The following HDDC2 variants were observed in gnomAD, a reference collection of about 807,000 sequenced individuals.
HDDC2 encodes 5'-deoxynucleotidase HDDC2.
A neutral mutation model predicts 25.5 loss-of-function variants in HDDC2; 25 were observed. The observed-to-expected ratio is 0.98, with a 90% confidence interval of 0.72 to 1.37. HDDC2 has a LOEUF of 1.37. HDDC2 is among the 40% of genes most tolerant of loss of function. The probability of loss-of-function intolerance (pLI) is 0.00; values close to 1 mark genes in which losing one functional copy is unlikely to be tolerated. For synonymous variants in HDDC2, 106 were observed against 89.7 expected (o/e 1.18, Z -1.03); for missense variants, 264 against 253.1 (o/e 1.04, Z -0.29).
At chr6:125,285,649 T>TA (rs567233669) in intron 4 of HDDC2, among the ~76,000 whole-genome samples, 13 of 148,754 alleles carry the variant, frequency 8.7e-5, no homozygotes, top group African/African-American at 2.2e-4. Flanking sequence ...AAAATTAAAT[T>TA]AAAAAAAAAA....
At chr6:125,292,134 G>A (rs996713647) in intron 4 of HDDC2, among the ~76,000 whole-genome samples, 2 of 152,146 alleles carry the variant, frequency 1.3e-5, no homozygotes, top group Non-Finnish European at 2.9e-5. Flanking sequence ...GGCTATCTAT[G>A]AATAAGGGGA....
intron 4 of HDDC2, among the ~76,000 whole-genome samples, chr6:125,286,413 T>A (rs9482637): frequency 0.2 from 29,966 of 152,156 alleles, 3,338 homozygotes; most frequent in African/African-American, 0.31. Flanking sequence ...GATGGTGGTA[T>A]ATACAACTGT....
intron 3 of HDDC2, among the ~76,000 whole-genome samples, chr6:125,295,613 C>T (rs370317203): frequency 6.6e-6 from 1 of 152,078 alleles, no homozygotes; most frequent in East Asian, 1.9e-4. Flanking sequence ...TATAAATCTG[C>T]CACATAATAA....
At chr6:125,281,732 C>A (rs1203684422) in intron 4 of HDDC2, among the ~76,000 whole-genome samples, 11 of 152,034 alleles carry the variant, frequency 7.2e-5, no homozygotes, top group Non-Finnish European at 1.3e-4. Flanking sequence ...GACTGGCGTA[C>A]CAAAAAGTGA....
chr6:125,280,643 G>A (rs9482632), intron 4 of HDDC2, among the ~76,000 whole-genome samples: 29,943 of 152,268 alleles, frequency 0.2, 3,354 homozygotes, highest in African/African-American at 0.31. Context: ...CTGCAAAGCC[G>A]CCGTAGCAAG....
chr6:125,281,571 T>C (rs1798457647), intron 4 of HDDC2, among the ~76,000 whole-genome samples: 1 of 151,938 alleles, frequency 6.6e-6, no homozygotes. Flanking sequence ...CACACAACTA[T>C]CAGTAGCCAA....
In HDDC2 at chr6:125,277,232, C is replaced by A; in HGVS notation, c.387G>T (p.Glu129Asp). 6.2e-7 allele frequency: 1 copy of A among 1,614,014 alleles called. No individual in the cohort carries two copies. Among genetic ancestry groups the A allele is most frequent in the Non-Finnish European group, 8.5e-7 (1 of 1,179,950 alleles). Reference sequence around the variant, plus strand: ...ATTTGGCTTCTGCACTAGATTGGGTCTCGTACTCCTAAGTAAAGGGACAAT... The same window carrying A: ...ATTTGGCTTCTGCACTAGATTGGGTATCGTACTCCTAAGTAAAGGGACAAT... ...KELYELWEEYETQSSAEAKFV... is the reference protein window; with the variant it reads ...KELYELWEEYDTQSSAEAKFV... The change falls in exon 5 of 6, where the codon GAG (glutamate) becomes GAT (aspartate). Residue 129 changes from glutamate (E) to aspartate (D), a missense_variant. By Grantham distance (45) the Glu-to-Asp change is conservative (BLOSUM62 2). Coordinates refer to ENST00000398153, the MANE Select transcript of HDDC2 (RefSeq NM_016063.3).
chr6:125,292,610 A>G (rs1388152714), intron 4 of HDDC2, among the ~76,000 whole-genome samples: 3 of 152,188 alleles, frequency 2.0e-5, no homozygotes, highest in Non-Finnish European at 4.4e-5. Context: ...TCAAGGGCTG[A>G]GTCAAGTGCC....
rs372537159 is a variant in HDDC2 at position 125,298,836 on chromosome 6, C to T, written c.207-20G>A. 5.4e-4 allele frequency: 812 copies of T among 1,512,608 alleles called. 7 individuals are homozygous for T. The South Asian group carries it at 7.5e-3, about 14-fold the overall frequency. The allele number at this position is 1,512,608 out of a possible 1,614,324, so 93.7% of individuals were successfully genotyped here. ...ACACATCTGATCAGGCAAGAAATGT[C>T]GAATAATTACACAGAATTATATTTA... On this transcript the variant is annotated intron_variant, in intron 2 of 5. Coordinates refer to ENST00000398153, the MANE Select transcript of HDDC2 (RefSeq NM_016063.3).
At chr6:125,289,481 TA>T (rs779984106) in intron 4 of HDDC2, among the ~76,000 whole-genome samples, 4,762 of 98,054 alleles carry the variant, frequency 0.049, 171 homozygotes, top group African/African-American at 0.1. Flanking sequence ...TAGAGTATAA[TA>T]AAAAAAAAAA....
rs1342111098 is a variant in HDDC2, at chr6:125,284,953, G to A, written c.379-7713C>T. Among the ~76,000 whole-genome samples, 3 of 152,096 alleles carry A rather than the reference G, an allele frequency of 2.0e-5. No individual in the cohort carries two copies. The East Asian group carries it at 5.8e-4, about 29-fold the overall frequency. ...TGTTAGACTGGAAAAAGAAAATGTG[G>A]TACATATACACCATGGAATACTATG... On this transcript the variant is annotated intron_variant, in intron 4 of 5. Coordinates refer to ENST00000398153, the MANE Select transcript of HDDC2 (RefSeq NM_016063.3).
At chr6:125,300,271 A>C in intron 2 of HDDC2, 1 of 398,212 alleles carries the variant, frequency 2.5e-6, no homozygotes, top group African/African-American at 2.0e-5. Flanking sequence ...GACATAACAC[A>C]CTCACCTTCA....
At chr6:125,299,917 T>A (rs1311045165) in intron 2 of HDDC2, among the ~76,000 whole-genome samples, 2 of 152,188 alleles carry the variant, frequency 1.3e-5, no homozygotes, top group African/African-American at 4.8e-5. Context: ...TCAACTCAGA[T>A]TGCACCTCCT....
rs779145892 is a variant in HDDC2 at position 125,301,912 on chromosome 6, C to G, written c.21G>C (p.Ala7=). The G allele has an allele frequency of 5.8e-6, 9 of 1,551,542 alleles. No homozygotes were observed. In the South Asian group the frequency reaches 1.1e-4, roughly 18 times the overall value. ...ACCGAGCCCCGTGGCCCGAGAAGGT[C>G]GCAGAGGAGACCGAAGCCATGCGGC... is the stretch of plus-strand genomic sequence containing the variant. The part of the protein sequence containing the change: MASVSS[A]TFSGHGARSL... Residue 7 remains alanine (A), a synonymous_variant, in exon 1 of 6, where the codon GCG becomes GCC. Coordinates refer to ENST00000398153, the MANE Select transcript of HDDC2 (RefSeq NM_016063.3).
At chr6:125,277,002 G>A (rs1426620327) in intron 5 of HDDC2, 100 bp downstream of exon 5, 2 of 1,184,558 alleles carry the variant, frequency 1.7e-6, no homozygotes, top group Non-Finnish European at 2.4e-6. Context: ...GAAAGGGTCA[G>A]ATGAAGGTAC....
At chr6:125,285,866 A>T (rs1798526820) in intron 4 of HDDC2, among the ~76,000 whole-genome samples, 1 of 152,228 alleles carries the variant, frequency 6.6e-6, no homozygotes, top group African/African-American at 2.4e-5. Context: ...AAGTTCAGTC[A>T]ACTGGAGATA....
intron 2 of HDDC2, among the ~76,000 whole-genome samples, chr6:125,299,234 T>A (rs929732334): frequency 1.1e-4 from 17 of 152,078 alleles, no homozygotes; most frequent in African/African-American, 4.1e-4. Flanking sequence ...AATACAAAAA[T>A]TAGCTGGGTG....
chr6:125,292,279 C>G (rs1798643863), intron 4 of HDDC2, among the ~76,000 whole-genome samples: 2 of 152,132 alleles, frequency 1.3e-5, no homozygotes, highest in East Asian at 3.9e-4. Context: ...GAAACAACAG[C>G]TGAACCTGCC....
intron 3 of HDDC2, among the ~76,000 whole-genome samples, chr6:125,296,691 T>C (rs1259843250): frequency 5.3e-5 from 8 of 152,192 alleles, no homozygotes; most frequent in Admixed American, 5.2e-4. Flanking sequence ...TATTCCCCTG[T>C]GAATCAGCAG....
Sources: allele counts gnomAD v4.1 joint callset (sites outside exome capture counted in the v4.1 genomes callset), GRCh38; gene constraint gnomAD v4.1.1; transcripts MANE v1.5; gene names NCBI Gene and HGNC (gene_info 2026-07-23, HGNC 2026-07-21).